INSL6: variants seen among roughly 807,000 people sequenced by gnomAD.
INSL6 encodes insulin-like peptide INSL6.
Under a neutral mutation model 9.4 loss-of-function variants are expected in INSL6, and 16 were observed. That is an observed-to-expected ratio of 1.70 (90% CI 1.15 to 2.59). The LOEUF (loss-of-function observed/expected upper bound fraction) is 2.59, where lower values mean the gene tolerates loss of function less well. Among genes scored for constraint, INSL6 ranks in the 30% most tolerant of loss-of-function variants. INSL6 has a pLI of 0.00. For synonymous variants in INSL6, 154 were observed against 96.9 expected, an observed-to-expected ratio of 1.59 and a Z score of -3.46; for missense variants, 391 against 257.3, an observed-to-expected ratio of 1.52 and a Z score of -3.56.
intron 3 of INSL6, among the ~76,000 whole-genome samples, chr9:5,125,224 A>C (rs1206459862): frequency 6.6e-6 from 1 of 151,038 alleles, no homozygotes; most frequent in Non-Finnish European, 1.5e-5. Flanking sequence ...AAGTATATAA[A>C]ACTTTTATAA....
At chr9:5,121,203 G>C (rs79912669), downstream of INSL6, among the ~76,000 whole-genome samples, 12,545 of 152,138 alleles carry the variant, frequency 0.082, 1,582 homozygotes, top group African/African-American at 0.28. Flanking sequence ...TTTTATGATT[G>C]AGTAAGCATT....
rs565383770 is a variant in INSL6 at position 5,135,973 on chromosome 9, A to G, written c.377-2381T>C. Among the ~76,000 whole-genome samples, 222 of 152,310 alleles carry G rather than the reference A, an allele frequency of 1.5e-3. 2 individuals are homozygous for G. Among genetic ancestry groups the G allele is most frequent in the Admixed American group, 6.3e-3 (96 of 15,304 alleles). On this transcript the variant is annotated intron_variant, in intron 2 of 3. Coordinates refer to the INSL6 transcript ENST00000649639. Reference sequence around the variant, plus strand: ...CATCAATCCCACAGAAATACAAACTACCATCGGGAATACTATAAACACCTC... The same window carrying G: ...CATCAATCCCACAGAAATACAAACTGCCATCGGGAATACTATAAACACCTC...
At chr9:5,080,607 T>C in the INSL6 span, 1 of 1,608,772 alleles carries the variant, frequency 6.2e-7, no homozygotes, top group Non-Finnish European at 8.5e-7. Context: ...TTATAAATAA[T>C]TGTATGGATT....
the INSL6 span, among the ~76,000 whole-genome samples, chr9:5,092,624 G>C: frequency 8.5e-5 from 13 of 152,122 alleles, no homozygotes; most frequent in African/African-American, 3.1e-4. Context: ...ACTGAGCAAA[G>C]ACAAGCCCTT....
At chr9:5,067,880 G>T in the INSL6 span, among the ~76,000 whole-genome samples, 12 of 152,130 alleles carry the variant, frequency 7.9e-5, no homozygotes, top group African/African-American at 2.4e-4. Flanking sequence ...GCAGCCAGGT[G>T]TGGTGGCTCA....
At chr9:5,127,850 A>G (rs1246692211) in intron 3 of INSL6, 1 of 232,442 alleles carries the variant, frequency 4.3e-6, no homozygotes, top group Non-Finnish European at 8.5e-6. Context: ...TTGCAGTCAT[A>G]GAAGAGATTT....
At chr9:5,007,431 C>T in the INSL6 span, among the ~76,000 whole-genome samples, 1 of 151,902 alleles carries the variant, frequency 6.6e-6, no homozygotes, top group Admixed American at 6.6e-5. Context: ...GTTATATTTT[C>T]CATAAGAGAT....
chr9:5,125,030 T>C (rs1013601079), intron 3 of INSL6, among the ~76,000 whole-genome samples: 7 of 151,434 alleles, frequency 4.6e-5, no homozygotes, highest in African/African-American at 9.7e-5. Flanking sequence ...CTAGGAATTA[T>C]TGCATAAGTT....
At chr9:5,183,740 C>G (rs1225403357) in intron 1 of INSL6, among the ~76,000 whole-genome samples, 2 of 151,792 alleles carry the variant, frequency 1.3e-5, no homozygotes, top group Admixed American at 1.3e-4. Context: ...CCTTGCACTC[C>G]TGGGAGAAAA....
At chr9:5,086,871 C>G in the INSL6 span, among the ~76,000 whole-genome samples, 1 of 152,158 alleles carries the variant, frequency 6.6e-6, no homozygotes, top group African/African-American at 2.4e-5. Flanking sequence ...TTGTATCAAG[C>G]GCGTTTAAAT....
At chr9:5,069,350 C>T in the INSL6 span, 1 of 552,812 alleles carries the variant, frequency 1.8e-6, no homozygotes. Context: ...ATTGTACAAG[C>T]ATCATCAAAT....
intron 1 of INSL6, among the ~76,000 whole-genome samples, chr9:5,166,840 G>T (rs114876224): frequency 6.6e-6 from 1 of 152,074 alleles, no homozygotes; most frequent in Non-Finnish European, 1.5e-5. Flanking sequence ...AACAATATGA[G>T]ATTTTAAAAT....
the INSL6 span, among the ~76,000 whole-genome samples, chr9:5,001,625 AT>A: frequency 0.23 from 33,128 of 143,250 alleles, 3,726 homozygotes; most frequent in South Asian, 0.33. Flanking sequence ...TTTGCCTGTA[AT>A]TTTTTTTTTT....
chr9:5,103,318 C>CA, the INSL6 span, among the ~76,000 whole-genome samples: 1,511 of 111,094 alleles, frequency 0.014, 8 homozygotes, highest in Admixed American at 0.02. Context: ...TCAAAAGAGA[C>CA]AAAAAAGGCC....
the INSL6 span, chr9:5,066,567 G>A: frequency 3.0e-6 from 2 of 658,620 alleles, no homozygotes; most frequent in East Asian, 2.9e-5. Flanking sequence ...ATAAAGTAGA[G>A]GAGACAATTC....
chr9:5,027,501 T>C, the INSL6 span, among the ~76,000 whole-genome samples: 1 of 152,214 alleles, frequency 6.6e-6, no homozygotes, highest in Non-Finnish European at 1.5e-5. Context: ...ACCAGGGTGG[T>C]GGCTGCTGAA....
the INSL6 span, among the ~76,000 whole-genome samples, chr9:5,023,147 C>T: frequency 1.3e-5 from 2 of 152,204 alleles, no homozygotes; most frequent in Non-Finnish European, 1.5e-5. Flanking sequence ...ACCAACATCT[C>T]TTCATTTCCC....
intron 3 of INSL6, among the ~76,000 whole-genome samples, chr9:5,130,220 A>G (rs985908454): frequency 1.3e-5 from 2 of 152,100 alleles, no homozygotes; most frequent in African/African-American, 4.8e-5. Flanking sequence ...TCCCTGTTCT[A>G]GTTATTTGTA....
the INSL6 span, among the ~76,000 whole-genome samples, chr9:5,005,509 A>G: frequency 6.6e-6 from 1 of 152,118 alleles, no homozygotes; most frequent in Non-Finnish European, 1.5e-5. Context: ...TCCTGGGGGT[A>G]AATTCATTTG....
Sources: allele counts gnomAD v4.1 joint callset (sites outside exome capture counted in the v4.1 genomes callset), GRCh38; gene constraint gnomAD v4.1.1; transcripts MANE v1.5; gene names NCBI Gene and HGNC (gene_info 2026-07-23, HGNC 2026-07-21).